Variants in CFAP61 observed in about 807,000 individuals in gnomAD.
The protein encoded by CFAP61 is cilia- and flagella-associated protein 61.
Under a neutral mutation model 135.6 loss-of-function variants are expected in CFAP61, and 107 were observed. The ratio of observed to expected loss-of-function variants is 0.79; its 90% CI spans 0.67 to 0.93. CFAP61 has a LOEUF of 0.93. CFAP61 is among the 40% of genes least tolerant of loss of function. CFAP61 has a pLI of 0.00. For synonymous variants in CFAP61, 575 were observed against 578.5 expected, an observed-to-expected ratio of 0.99 and a Z score of 0.09; for missense variants, 1,507 against 1,556.2, an observed-to-expected ratio of 0.97 and a Z score of 0.53.
chr20:20,129,295 C>G (rs928018057), intron 8 of CFAP61, among the ~76,000 whole-genome samples: 6 of 151,860 alleles, frequency 4.0e-5, no homozygotes, highest in East Asian at 1.9e-4. Context: ...TTTGGGAAAG[C>G]CTTTTATCTT....
chr20:20,326,426 A>G (rs2057750294), intron 25 of CFAP61, among the ~76,000 whole-genome samples: 6 of 152,188 alleles, frequency 3.9e-5, no homozygotes, highest in Admixed American at 3.9e-4. Context: ...CCACCTGGAA[A>G]TTGTAAAATA....
intron 17 of CFAP61, among the ~76,000 whole-genome samples, chr20:20,216,771 A>G (rs1308398360): frequency 6.6e-6 from 1 of 150,638 alleles, no homozygotes; most frequent in Non-Finnish European, 1.5e-5. Context: ...ATGAGAAGAA[A>G]AACAGTGGAA....
chr20:20,096,600 G>A (rs1049952784), intron 7 of CFAP61, among the ~76,000 whole-genome samples: 22 of 152,360 alleles, frequency 1.4e-4, no homozygotes, highest in Admixed American at 1.0e-3. Flanking sequence ...TTGCGCCAGC[G>A]CGGCTGTAGA....
At chr20:20,306,193 G>A (rs932315529) in intron 25 of CFAP61, among the ~76,000 whole-genome samples, 3 of 152,170 alleles carry the variant, frequency 2.0e-5, no homozygotes, top group African/African-American at 7.2e-5. Flanking sequence ...GCACATGTCT[G>A]TTTTCAGATA....
intron 1 of CFAP61, among the ~76,000 whole-genome samples, chr20:20,054,438 TAC>T (rs1001861073): frequency 1.3e-5 from 2 of 151,640 alleles, no homozygotes; most frequent in Non-Finnish European, 2.9e-5. Context: ...CATACACATA[TAC>T]ACACACACAT....
chr20:20,307,240 G>A (rs1383308724), intron 25 of CFAP61, among the ~76,000 whole-genome samples: 1 of 152,146 alleles, frequency 6.6e-6, no homozygotes, highest in Non-Finnish European at 1.5e-5. Flanking sequence ...ACCAACAGAG[G>A]GGTCAAATTC....
intron 20 of CFAP61, chr20:20,253,551 C>A: frequency 2.0e-6 from 1 of 488,178 alleles, no homozygotes; most frequent in South Asian, 1.5e-5. Context: ...TTACGTTCAG[C>A]ATGACTCTGC....
intron 2 of CFAP61, among the ~76,000 whole-genome samples, chr20:20,067,674 T>A (rs1024669519): frequency 3.6e-5 from 5 of 139,114 alleles, no homozygotes; most frequent in South Asian, 2.2e-4. Flanking sequence ...ATATATATAT[T>A]TATATTATAT....
At chr20:20,171,838 C>A in intron 13 of CFAP61, 1 of 689,830 alleles carries the variant, frequency 1.4e-6, no homozygotes, top group Non-Finnish European at 2.7e-6. Flanking sequence ...GGCTCTGTGG[C>A]ATGCAAGAGT....
chr20:20,163,405 C>A (rs1159420712), intron 10 of CFAP61, among the ~76,000 whole-genome samples: 3 of 152,036 alleles, frequency 2.0e-5, no homozygotes, highest in Non-Finnish European at 4.4e-5. Flanking sequence ...TTCAAAAATT[C>A]TTGTATCACA....
chr20:20,110,692 T>C (rs2048739851), intron 8 of CFAP61, among the ~76,000 whole-genome samples: 1 of 152,184 alleles, frequency 6.6e-6, no homozygotes, highest in Non-Finnish European at 1.5e-5. Context: ...ACCACGGTCA[T>C]GGCTGTTTCC....
At chr20:20,095,094 A>G (rs1356009233) in intron 7 of CFAP61, among the ~76,000 whole-genome samples, 1 of 151,006 alleles carries the variant, frequency 6.6e-6, no homozygotes, top group Non-Finnish European at 1.5e-5. Context: ...ATCACCTTCC[A>G]TTTTTTTTTA....
intron 26 of CFAP61, among the ~76,000 whole-genome samples, chr20:20,358,778 G>A (rs1410830057): frequency 1.3e-5 from 2 of 152,206 alleles, no homozygotes; most frequent in Non-Finnish European, 2.9e-5. Flanking sequence ...TATAGCTTGA[G>A]TCTGTTTTCC....
chr20:20,071,723 AC>A (rs1040518731), intron 3 of CFAP61, among the ~76,000 whole-genome samples: 1 of 151,196 alleles, frequency 6.6e-6, no homozygotes, highest in Non-Finnish European at 1.5e-5. Flanking sequence ...GAGTGAATTC[AC>A]CCCCCGTACA....
chr20:20,192,568 A>G (rs1010753163), intron 15 of CFAP61, among the ~76,000 whole-genome samples: 3 of 151,780 alleles, frequency 2.0e-5, no homozygotes, highest in Non-Finnish European at 4.4e-5. Flanking sequence ...CTCCCGCGCC[A>G]CCCTCTTAGA....
intron 17 of CFAP61, among the ~76,000 whole-genome samples, chr20:20,218,400 G>A (rs758558008): frequency 1.3e-4 from 20 of 152,166 alleles, no homozygotes; most frequent in Admixed American, 3.9e-4. Context: ...CCCCAGCCAC[G>A]TGGAACTGTA....
intron 13 of CFAP61, among the ~76,000 whole-genome samples, chr20:20,173,979 A>AAATCT (rs2054417461): frequency 6.6e-6 from 1 of 152,150 alleles, no homozygotes; most frequent in African/African-American, 2.4e-5. Context: ...CTTAATAATA[A>AAATCT]AATCTAAATC....
chr20:20,247,771 C>T (rs1430591320), intron 19 of CFAP61, among the ~76,000 whole-genome samples: 4 of 152,160 alleles, frequency 2.6e-5, no homozygotes, highest in Non-Finnish European at 5.9e-5. Flanking sequence ...CCAGCCTCCT[C>T]GATGTTCCTC....
chr20:20,319,930 C>T (rs1436631034), intron 25 of CFAP61, among the ~76,000 whole-genome samples: 4 of 152,066 alleles, frequency 2.6e-5, no homozygotes, highest in Non-Finnish European at 4.4e-5. Context: ...AAACACACCA[C>T]CTGCGAAAAA....
Sources: gnomAD v4.1 joint callset for allele counts (sites outside exome capture counted in the v4.1 genomes callset) on GRCh38, gnomAD v4.1.1 for gene constraint, MANE v1.5 for transcripts, NCBI Gene and HGNC (gene_info 2026-07-23, HGNC 2026-07-21) for gene names.